Variants in STK32B observed in about 807,000 individuals in gnomAD.
STK32B encodes serine/threonine-protein kinase 32B.
STK32B carries 43 observed loss-of-function variants against 52.6 expected under a neutral mutation model. That is an observed-to-expected ratio of 0.82 (90% CI 0.64 to 1.05). The LOEUF (loss-of-function observed/expected upper bound fraction) is 1.05, where lower values mean the gene tolerates loss of function less well. Among genes scored for constraint, STK32B ranks in the 50% least tolerant of loss-of-function variants. The pLI, the probability that STK32B is intolerant of heterozygous loss-of-function variation, is 0.00. For synonymous variants in STK32B, 238 were observed against 204.3 expected (o/e 1.17, Z -1.41); for missense variants, 621 against 534.6 (o/e 1.16, Z -1.59).
intron 7 of STK32B, among the ~76,000 whole-genome samples, chr4:5,447,964 C>A (rs577500021): frequency 2.6e-5 from 4 of 152,234 alleles, no homozygotes; most frequent in South Asian, 4.2e-4. Context: ...ATATTCATGC[C>A]CATAGGAGGT....
At chr4:5,497,066 C>T (rs991202301) in intron 11 of STK32B, among the ~76,000 whole-genome samples, 12 of 151,968 alleles carry the variant, frequency 7.9e-5, no homozygotes, top group Admixed American at 7.9e-4. Context: ...TTTTTTTAGC[C>T]TCAAGATATC....
At chr4:5,191,428 A>T (rs1721193103) in intron 3 of STK32B, among the ~76,000 whole-genome samples, 1 of 151,592 alleles carries the variant, frequency 6.6e-6, no homozygotes, top group Admixed American at 6.6e-5. Flanking sequence ...TTTTTGTTGT[A>T]TTTTTTTAGT....
intron 11 of STK32B, among the ~76,000 whole-genome samples, chr4:5,477,745 G>A (rs115032817): frequency 1.2e-4 from 19 of 152,234 alleles, no homozygotes; most frequent in African/African-American, 3.1e-4. Context: ...ATGGTAGCAC[G>A]CAGCACTTCC....
chr4:5,370,973 AAT>A (rs914564493), intron 4 of STK32B, among the ~76,000 whole-genome samples: 4 of 123,640 alleles, frequency 3.2e-5, no homozygotes, highest in South Asian at 2.6e-4. Flanking sequence ...ACACTATCTA[AAT>A]ATATATATAT....
At chr4:5,412,407 C>G (rs1402065874) in intron 5 of STK32B, among the ~76,000 whole-genome samples, 1 of 152,170 alleles carries the variant, frequency 6.6e-6, no homozygotes, top group Non-Finnish European at 1.5e-5. Context: ...GTTAGCATAG[C>G]CAGGGGAAAG....
At chr4:5,131,725 C>G (rs1044501780) in intron 1 of STK32B, among the ~76,000 whole-genome samples, 1 of 152,204 alleles carries the variant, frequency 6.6e-6, no homozygotes. Flanking sequence ...AGCATGGCAT[C>G]TTCTGTCACT....
rs182331388 is a variant in STK32B at position 5,210,106 on chromosome 4, C to T, written c.260+41656C>T. 2.4e-3 allele frequency among the ~76,000 whole-genome samples: 365 copies of T among 152,344 alleles called. 2 individuals are homozygous for T. The highest frequency in any genetic ancestry group is 4.4e-3 in the Non-Finnish European group (299 of 68,028). On this transcript the variant is annotated intron_variant, in intron 3 of 11. Coordinates refer to ENST00000282908, the MANE Select transcript of STK32B (RefSeq NM_018401.3). ...TCAAACACACACCCACAGCTCAGCA[C>T]ATATGCAATTCAGGAGCCATTTCCT... is the stretch of plus-strand genomic sequence containing the variant.
At chr4:5,064,888 A>G (rs1048245749) in intron 1 of STK32B, among the ~76,000 whole-genome samples, 1 of 147,900 alleles carries the variant, frequency 6.8e-6, no homozygotes, top group Non-Finnish European at 1.5e-5. Context: ...TTTCTCCATA[A>G]GAAAACCTTC....
chr4:5,052,175 C>A (rs149374832), intron 1 of STK32B, among the ~76,000 whole-genome samples: 3 of 152,306 alleles, frequency 2.0e-5, no homozygotes, highest in African/African-American at 7.2e-5. Context: ...AGAGTTGAAC[C>A]CGAAACCTGC....
chr4:5,138,961 G>A lies in STK32B; in HGVS notation c.53-944G>A, dbSNP rs561615711. On this transcript the variant is annotated intron_variant, in intron 1 of 11. Transcript: ENST00000282908. ...GAAGGATTTCCTTTTTCCACTGAGA[G>A]CAATGGAGGGGACATCGGAGGGGAG... 1.5e-4 allele frequency among the ~76,000 whole-genome samples: 23 copies of A among 152,284 alleles called. No homozygotes were observed. In the East Asian group the frequency reaches 4.4e-3, roughly 29 times the overall value.
intron 1 of STK32B, among the ~76,000 whole-genome samples, chr4:5,124,141 G>T (rs760574281): frequency 8.6e-5 from 13 of 152,040 alleles, no homozygotes; most frequent in Non-Finnish European, 1.6e-4. Context: ...TTGGCCAGGG[G>T]AACTATCACA....
chr4:5,080,198 A>G (rs188945160), intron 1 of STK32B, among the ~76,000 whole-genome samples: 1 of 152,238 alleles, frequency 6.6e-6, no homozygotes, highest in Non-Finnish European at 1.5e-5. Context: ...CCCAAGGATC[A>G]AATTCTCTAA....
intron 3 of STK32B, among the ~76,000 whole-genome samples, chr4:5,291,881 G>C (rs1728912956): frequency 6.6e-6 from 1 of 151,884 alleles, no homozygotes; most frequent in African/African-American, 2.4e-5. Flanking sequence ...TTTGATTCTG[G>C]GGATACGTGT....
At chr4:5,406,917 G>A (rs1379225091) in intron 5 of STK32B, among the ~76,000 whole-genome samples, 1 of 152,142 alleles carries the variant, frequency 6.6e-6, no homozygotes, top group East Asian at 1.9e-4. Context: ...AATTTCTGCA[G>A]CCAGCTTTAA....
chr4:5,495,766 C>A (rs1189262663), intron 11 of STK32B, among the ~76,000 whole-genome samples: 5 of 152,112 alleles, frequency 3.3e-5, no homozygotes, highest in South Asian at 2.1e-4. Flanking sequence ...TGTGGATGTC[C>A]TTTCTGTTTG....
intron 2 of STK32B, among the ~76,000 whole-genome samples, chr4:5,161,979 G>A (rs940145440): frequency 3.0e-4 from 46 of 152,240 alleles, no homozygotes; most frequent in Middle Eastern, 6.8e-3. Context: ...GGTAGAGATG[G>A]GCAGCACAGA....
rs1718888739 is a variant in STK32B, at chr4:5,166,620, T to C, written c.109-1679T>C. On this transcript the variant is annotated intron_variant, in intron 2 of 11. Transcript: ENST00000282908. ...AGCTGCAAGCTAAGGGCACCAGGGG[T>C]TGCTGGAGCTGCCCAACTCTGGAAG... is the stretch of plus-strand genomic sequence containing the variant. Among the ~76,000 whole-genome samples the C allele has an allele frequency of 6.0e-5, 9 of 150,838 alleles. No homozygotes were observed. In the South Asian group the frequency reaches 1.9e-3, roughly 32 times the overall value.
intron 3 of STK32B, among the ~76,000 whole-genome samples, chr4:5,279,302 A>G (rs1222898527): frequency 1.3e-5 from 2 of 152,226 alleles, no homozygotes; most frequent in Non-Finnish European, 2.9e-5. Context: ...AATTGGCTAA[A>G]ACAAAGGGCT....
Position 5,317,236 on chromosome 4 carries a change from T to TATAACATATAACATAAC in STK32B, c.261-13981_261-13980insACATATAACATAACATA, listed in dbSNP as rs1553871689. On this transcript the variant is annotated intron_variant, in intron 3 of 11. Transcript: ENST00000282908. The stretch of plus-strand genomic sequence containing the variant: ...TAACATATATATATTATATATAACA[T>TATAACATATAACATAAC]ATATATATTATATATAACATATAAC... 5.3e-5 allele frequency among the ~76,000 whole-genome samples: 3 copies of TATAACATATAACATAAC among 56,616 alleles called. 1 individual carries two copies. The African/African-American group carries it at 5.4e-4, about 10-fold the overall frequency. 37.1% of individuals were successfully genotyped at this position (56,616 alleles called of 152,430 possible). A position where few individuals can be genotyped will look rare whatever the true frequency, so the allele number is the denominator to read the frequency against.
Sources: gnomAD v4.1 joint callset for allele counts (sites outside exome capture counted in the v4.1 genomes callset) on GRCh38, gnomAD v4.1.1 for gene constraint, MANE v1.5 for transcripts, NCBI Gene and HGNC (gene_info 2026-07-23, HGNC 2026-07-21) for gene names.